Variants in COL6A2 observed in about 807,000 individuals in gnomAD.
COL6A2 encodes collagen alpha-2(VI) chain.
Under a neutral mutation model 124.9 loss-of-function variants are expected in COL6A2, and 90 were observed. The observed-to-expected ratio is 0.72, with a 90% CI of 0.61 to 0.86. The LOEUF is 0.86. Among genes scored for constraint, COL6A2 ranks in the 40% least tolerant of loss-of-function variants. COL6A2 has a pLI of 0.00. For synonymous variants in COL6A2, 793 were observed against 618.2 expected, an observed-to-expected ratio of 1.28 and a Z score of -4.19; for missense variants, 1,607 against 1,502.5, an observed-to-expected ratio of 1.07 and a Z score of -1.15.
At chr21:46,125,147 C>T (rs2078640796) in intron 23 of COL6A2, 119 bp from the exon 24 acceptor site, 3 of 1,105,774 alleles carry the variant, frequency 2.7e-6, no homozygotes, top group Middle Eastern at 2.2e-4. Context: ...CGCCAGCCTC[C>T]CCGCATGGCT....
At position 46,114,032 on chromosome 21, in the gene COL6A2, A is replaced by G. The variant is rs781731972; in HGVS notation, c.760A>G (p.Ile254Val). 6.2e-7 allele frequency: 1 copy of G among 1,613,800 alleles called. No homozygotes were observed. The highest frequency in any genetic ancestry group is 1.1e-5 in the South Asian group (1 of 91,080). Reference protein sequence around the residue: ...GECYKVSCLEIPGPSGPKGYR... With the variant: ...GECYKVSCLEVPGPSGPKGYR... ...GTGCTACAAGGTGAGCTGCCTGGAA[A>G]TCCCTGGGCCCTCTGGCCCCAAGGG... Residue 254 changes from isoleucine to valine, a missense_variant, in exon 5 of 28, where the codon ATC becomes GTC. Coordinates refer to ENST00000300527, the MANE Select transcript of COL6A2 (RefSeq NM_001849.4).
In COL6A2 at chr21:46,129,579, G is replaced by A. The variant is rs538376217; in HGVS notation, c.2462-2375G>A. ...CCCGACAGGCTGGCTCTCAGTGGAG[G>A]CCAGAGATCTGGAATCGGGGTCAGC... On this transcript the variant is annotated intron_variant, in intron 27 of 27. Transcript: ENST00000300527. The A allele has an allele frequency of 3.7e-5, 54 of 1,451,356 alleles. No individual in the cohort carries two copies. The African/African-American group carries it at 4.4e-4, about 12-fold the overall frequency. 89.9% of individuals were successfully genotyped at this position (1,451,356 alleles called of 1,614,324 possible). A position where few individuals can be genotyped will look rare whatever the true frequency, so the allele number is the denominator to read the frequency against.
Position 46,124,694 on chromosome 21 carries a change from G to A in COL6A2, c.1715G>A (p.Arg572Lys). Residue 572 changes from arginine (R) to lysine (K), a missense_variant, in exon 22 of 28, where the codon AGA becomes AAA. By Grantham distance (26) the Arg-to-Lys change is conservative (BLOSUM62 2). Around this residue, in one of 3 missense-constraint regions of COL6A2, gnomAD observed 1,223 missense variants for 1,052.2 expected, o/e 1.16. Coordinates refer to ENST00000300527, the MANE Select transcript of COL6A2 (RefSeq NM_001849.4). ...GGTGAGCCAGGCCCTCGGGGGCCAAGAGGAGTCCCAGGACCCGAGGTAGGT... is the reference window on the plus strand; with the variant it reads ...GGTGAGCCAGGCCCTCGGGGGCCAAAAGGAGTCCCAGGACCCGAGGTAGGT... ...PPGEPGPRGP[R>K]GVPGPEGEPG... is the part of the protein sequence containing the mutation. 1.9e-6 allele frequency: 3 copies of A among 1,612,926 alleles called. No individual in the cohort carries two copies. In the Admixed American group the frequency reaches 5.0e-5, roughly 27 times the overall value.
chr21:46,119,902 C>T (rs1368919938), intron 15 of COL6A2, 52 bp downstream of exon 15: 2 of 1,503,080 alleles, frequency 1.3e-6, no homozygotes, highest in Non-Finnish European at 9.1e-7. Context: ...GCCCATGGGC[C>T]CTGCTGACGA....
chr21:46,131,953 G>T lies in COL6A2; in HGVS notation c.2462-1G>T. The T allele has an allele frequency of 6.3e-7, 1 of 1,598,116 alleles. No homozygotes were observed. ...CAGCCCGCACCTGCGTCTCCCCACA[G>T]AGCTGTCCGTGGCACAGTGCACGCA... On this transcript the variant is annotated splice_acceptor_variant, in intron 27 of 27. Coordinates refer to ENST00000300527, the MANE Select transcript of COL6A2 (RefSeq NM_001849.4). LOFTEE classifies it high-confidence loss of function.
At position 46,116,924 on chromosome 21, in the gene COL6A2, C is replaced by CAT. The variant is rs2078480988; in HGVS notation, c.999+112_999+113dup. ...GTCAGCTTACACATGTGTACACACG[C>CAT]ATACACACACACACACACACACACA... On this transcript the variant is annotated intron_variant, in intron 10 of 27. Coordinates refer to ENST00000300527, the MANE Select transcript of COL6A2 (RefSeq NM_001849.4). This position sits in a 1 kb window ranked among gnomAD's most constrained non-coding sequence, Gnocchi z 4.6. The CAT allele has an allele frequency of 1.5e-4, 126 of 823,394 alleles. No individual in the cohort carries two copies. The East Asian group carries it at 3.4e-3, about 22-fold the overall frequency. 51.0% of individuals were successfully genotyped at this position (823,394 alleles called of 1,614,324 possible). A position where few individuals can be genotyped will look rare whatever the true frequency, so the allele number is the denominator to read the frequency against.
rs372058939 is a variant in COL6A2, at chr21:46,117,839, C to T, written c.1054-35C>T. The T allele has an allele frequency of 4.3e-5, 68 of 1,594,280 alleles. No individual in the cohort carries two copies. The East Asian group carries it at 4.5e-4, about 11-fold the overall frequency. On this transcript the variant is annotated intron_variant, in intron 11 of 27. Transcript: ENST00000300527. ...GGCTCATGGGGAGAACCCCACCCGC[C>T]GTGTGCCGAGCTCCACCTCTCACTC...
At chr21:46,122,847 C>T (rs367897300) in intron 20 of COL6A2, 28 bp from the exon 21 acceptor site, 15 of 1,605,294 alleles carry the variant, frequency 9.3e-6, no homozygotes, top group Non-Finnish European at 1.1e-5. Context: ...CTCCTCTGTC[C>T]CAGGCTAACA....
rs528492682 is a variant in COL6A2, at chr21:46,099,958, T to C, written c.-28+1785T>C. 2.1e-5 allele frequency among the ~76,000 whole-genome samples: 3 copies of C among 143,068 alleles called. 1 individual carries two copies. In the East Asian group the frequency reaches 6.9e-4, roughly 33 times the overall value. 93.9% of individuals were successfully genotyped at this position (143,068 alleles called of 152,430 possible). A position where few individuals can be genotyped will look rare whatever the true frequency, so the allele number is the denominator to read the frequency against. Reference sequence around the variant, plus strand: ...TGATGCCTTGTTGGGGGGTTTGTTCTGCATGTCTTTGGTTTTTGTGCAGTA... The same window carrying C: ...TGATGCCTTGTTGGGGGGTTTGTTCCGCATGTCTTTGGTTTTTGTGCAGTA... On this transcript the variant is annotated intron_variant, in intron 1 of 27. Transcript: ENST00000300527.
rs1250297123 is a variant in COL6A2 at position 46,112,387 on chromosome 21, T to C, written c.524T>C (p.Leu175Pro). ...GGCAGCCCCTGCGGGGGCATCAAGC[T>C]GCAGGCCGAGCGGGCCCGCGAGGAG... is the stretch of plus-strand genomic sequence containing the variant. ...VTGSPCGGIK[L>P]QAERAREEGI... Residue 175 changes from leucine to proline, a missense_variant, in exon 3 of 28, where the codon CTG becomes CCG. Physicochemically the swap from Leu to Pro is moderately conservative, Grantham distance 98. Coordinates refer to ENST00000300527, the MANE Select transcript of COL6A2 (RefSeq NM_001849.4). The C allele has an allele frequency of 6.2e-7, 1 of 1,607,906 alleles. No individual in the cohort carries two copies. Among genetic ancestry groups the C allele is most frequent in the Non-Finnish European group, 8.5e-7 (1 of 1,178,584 alleles).
In COL6A2 at chr21:46,116,828, C is replaced by G. The variant is rs761013382; in HGVS notation, c.999+14C>G. 3 of 1,612,650 alleles carry G rather than the reference C, an allele frequency of 1.9e-6. No individual in the cohort carries two copies. Among genetic ancestry groups the G allele is most frequent in the East Asian group, 2.2e-5 (1 of 44,868 alleles). ...GATGGACAGAAGGTAGAGGGAGCCT[C>G]GGGCTCACAGCTGGACTGGTCTCAC... On this transcript the variant is annotated intron_variant, in intron 10 of 27. Coordinates refer to ENST00000300527, the MANE Select transcript of COL6A2 (RefSeq NM_001849.4). The surrounding 1 kb of genome is among the most constrained non-coding windows in gnomAD (Gnocchi z 4.6).
intron 27 of COL6A2, 102 bp from the exon 28 acceptor site, chr21:46,131,852 T>C: frequency 3.6e-6 from 4 of 1,109,634 alleles, no homozygotes; most frequent in Non-Finnish European, 5.3e-6. Context: ...GTCTGTGAGG[T>C]TGCAGGCAGG....
intron 1 of COL6A2, among the ~76,000 whole-genome samples, chr21:46,107,088 A>G (rs1021333398): frequency 2.0e-5 from 3 of 152,138 alleles, no homozygotes; most frequent in African/African-American, 7.2e-5. Context: ...AGTTTTTTTC[A>G]TAAGTCCTGC....
chr21:46,125,812 GCCACGAGGGCACCTTTGAGGCCA>G lies in COL6A2; in HGVS notation c.1998_2020del (p.His667ProfsTer67), dbSNP rs2078655173. 1.2e-6 allele frequency: 2 copies of G among 1,612,554 alleles called. No individual in the cohort carries two copies. Among genetic ancestry groups the G allele is most frequent in the Non-Finnish European group, 1.7e-6 (2 of 1,179,842 alleles). Reference sequence around the variant, plus strand: ...ACGCGTGTGGGCGTGGTGCAGTACAGCCACGAGGGCACCTTTGAGGCCATCCAGCTGGACGACGAACGTATCGA... The same window carrying G: ...ACGCGTGTGGGCGTGGTGCAGTACAGTCCAGCTGGACGACGAACGTATCGA... On this transcript the variant is annotated frameshift_variant, in exon 26 of 28. Coordinates refer to ENST00000300527, the MANE Select transcript of COL6A2 (RefSeq NM_001849.4). LOFTEE classifies it high-confidence loss of function.
rs914267282 is a variant in COL6A2 at position 46,106,745 on chromosome 21, C to T, written c.-27-4705C>T. On this transcript the variant is annotated intron_variant, in intron 1 of 27. Transcript: ENST00000300527. Reference sequence around the variant, plus strand: ...GCCTAAGTTCTCGTGTGTTGTTATGCCCATGGTTGTGTGGAGTGTTGGCCT... The same window carrying T: ...GCCTAAGTTCTCGTGTGTTGTTATGTCCATGGTTGTGTGGAGTGTTGGCCT... Among the ~76,000 whole-genome samples the T allele has an allele frequency of 2.2e-4, 33 of 152,170 alleles. 1 individual carries two copies. Among genetic ancestry groups the T allele is most frequent in the Non-Finnish European group, 7.3e-5 (5 of 68,028 alleles).
intron 21 of COL6A2, among the ~76,000 whole-genome samples, chr21:46,123,684 AGTAGGTGGGTAGGTGG>A (rs1555874945): frequency 4.9e-5 from 2 of 40,954 alleles, no homozygotes; most frequent in African/African-American, 8.2e-5. Flanking sequence ...TGTATGGGTG[AGTAGGTGGGTAGGTGG>A]GTAGATGGAT....
intron 21 of COL6A2, among the ~76,000 whole-genome samples, chr21:46,123,897 A>G (rs62213985): frequency 0.55 from 73,810 of 134,496 alleles, 19,350 homozygotes; most frequent in Admixed American, 0.62. Flanking sequence ...GTCAGTGGAT[A>G]GATGGATGGG....
chr21:46,126,195 G>A lies in COL6A2; in HGVS notation c.2380G>A (p.Ala794Thr), dbSNP rs1371625584. Residue 794 changes from alanine (A) to threonine (T), a missense_variant, in exon 26 of 28, where the codon GCT (alanine) becomes ACT (threonine). Ala to Thr is a moderately conservative substitution (Grantham distance 58, BLOSUM62 0). Transcript: ENST00000300527. ...RNMTLFSDLV[A>T]EKFIDDMEDV... Reference sequence around the variant, plus strand: ...CATGACGCTGTTCTCCGACCTGGTCGCTGAGAAGTTCATCGATGACATGGA... The same window carrying A: ...CATGACGCTGTTCTCCGACCTGGTCACTGAGAAGTTCATCGATGACATGGA... The A allele has an allele frequency of 3.7e-6, 6 of 1,603,802 alleles. No homozygotes were observed. Among genetic ancestry groups the A allele is most frequent in the Admixed American group, 1.7e-5 (1 of 60,020 alleles).
rs368819264 is a variant in COL6A2 at position 46,126,142 on chromosome 21, C to T, written c.2327C>T (p.Ala776Val). ...GAGAGTGAAAACCTCTACTCCATCG[C>T]CTGCGACAAGCCACAGCAGGTGCGC... is the stretch of plus-strand genomic sequence containing the variant. The part of the protein sequence containing the change: ...KHESENLYSI[A>V]CDKPQQVRNM... Residue 776 changes from alanine to valine, a missense_variant, in exon 26 of 28, where the codon GCC becomes GTC. Coordinates refer to ENST00000300527, the MANE Select transcript of COL6A2 (RefSeq NM_001849.4). 6.2e-7 allele frequency: 1 copy of T among 1,611,308 alleles called. No individual in the cohort carries two copies. The highest frequency in any genetic ancestry group is 8.5e-7 in the Non-Finnish European group (1 of 1,179,994).
Sources: allele counts gnomAD v4.1 joint callset (sites outside exome capture counted in the v4.1 genomes callset), GRCh38; gene constraint gnomAD v4.1.1; regional missense constraint gnomAD v4.1.1; non-coding constraint Gnocchi (gnomAD v3.1); transcripts MANE v1.5; gene names NCBI Gene and HGNC (gene_info 2026-07-23, HGNC 2026-07-21).